The following HDAC4 variants were observed in gnomAD, a reference collection of about 807,000 sequenced individuals.
HDAC4 encodes the protein histone deacetylase A.
HDAC4 carries 16 observed loss-of-function variants against 135.1 expected under a neutral mutation model. The ratio of observed to expected loss-of-function variants is 0.12; its 90% CI spans 0.08 to 0.18. The LOEUF (loss-of-function observed/expected upper bound fraction) is 0.18, where lower values mean the gene tolerates loss of function less well. Among genes scored for constraint, HDAC4 ranks in the 10% least tolerant of loss-of-function variants. The pLI, the probability that HDAC4 is intolerant of heterozygous loss-of-function variation, is 1.00. For synonymous variants in HDAC4, 685 were observed against 653.4 expected (o/e 1.05, Z -0.74); for missense variants, 1,143 against 1,511.8 (o/e 0.76, Z 4.05).
At chr2:239,202,911 T>C (rs987759341) in intron 3 of HDAC4, among the ~76,000 whole-genome samples, 5 of 152,136 alleles carry the variant, frequency 3.3e-5, no homozygotes, top group African/African-American at 1.2e-4. Flanking sequence ...GCAAAGAGCA[T>C]TGACAAGAAA....
intron 3 of HDAC4, among the ~76,000 whole-genome samples, chr2:239,196,738 C>T (rs779114044): frequency 2.0e-5 from 3 of 152,180 alleles, no homozygotes; most frequent in Non-Finnish European, 4.4e-5. Context: ...ATGGTGGCCA[C>T]CTCCAGCTCT....
intron 11 of HDAC4, among the ~76,000 whole-genome samples, chr2:239,131,115 G>A (rs2040550695): frequency 6.6e-6 from 1 of 152,236 alleles, no homozygotes; most frequent in Non-Finnish European, 1.5e-5. Flanking sequence ...ACATGAACAG[G>A]GACATAGAAG....
intron 1 of HDAC4, among the ~76,000 whole-genome samples, chr2:239,377,424 C>T (rs949932391): frequency 7.9e-5 from 12 of 152,208 alleles, no homozygotes; most frequent in African/African-American, 2.7e-4. Flanking sequence ...GCACCTGTCA[C>T]GAGGGCTGCC....
At chr2:239,126,084 C>T (rs1440951490) in intron 12 of HDAC4, among the ~76,000 whole-genome samples, 2 of 152,230 alleles carry the variant, frequency 1.3e-5, no homozygotes, top group Non-Finnish European at 2.9e-5. Flanking sequence ...AAGTGTTGCC[C>T]AAGTAGACTA....
chr2:239,160,654 C>A (rs985868349), intron 6 of HDAC4, among the ~76,000 whole-genome samples: 2 of 152,262 alleles, frequency 1.3e-5, no homozygotes, highest in African/African-American at 4.8e-5. Context: ...CGTTCCTTGT[C>A]ACTGCGGAGT....
chr2:239,165,888 C>T (rs2152976793), intron 5 of HDAC4, among the ~76,000 whole-genome samples: 1 of 152,110 alleles, frequency 6.6e-6, no homozygotes, highest in South Asian at 2.1e-4. Flanking sequence ...GTTAATAAGC[C>T]ATCATTTTAA....
At position 239,228,472 on chromosome 2, in the gene HDAC4, G is replaced by A. The variant is rs189390329; in HGVS notation, c.94+8121C>T. Among the ~76,000 whole-genome samples, 93 of 152,318 alleles carry A rather than the reference G, an allele frequency of 6.1e-4. 1 individual carries two copies. The highest frequency in any genetic ancestry group is 6.0e-3 in the Admixed American group (92 of 15,300). Reference sequence around the variant, plus strand: ...GGCTGTGTACGCCACGTGAAAGGTGGTGTTCTTGGCCCCGCAGTGTTTCCA... The same window carrying A: ...GGCTGTGTACGCCACGTGAAAGGTGATGTTCTTGGCCCCGCAGTGTTTCCA... On this transcript the variant is annotated intron_variant, in intron 3 of 26. Transcript: ENST00000543185.
chr2:239,080,310 C>CCATA, intron 22 of HDAC4, among the ~76,000 whole-genome samples: 1 of 152,242 alleles, frequency 6.6e-6, no homozygotes, highest in East Asian at 1.9e-4. Context: ...GGCTTTGACA[C>CCATA]CATACTGACA....
chr2:239,170,801 G>C (rs1387747813), intron 5 of HDAC4, among the ~76,000 whole-genome samples: 1 of 152,188 alleles, frequency 6.6e-6, no homozygotes, highest in Non-Finnish European at 1.5e-5. Flanking sequence ...CGGGTAGCCT[G>C]TTCTCTAGAC....
chr2:239,297,547 C>T (rs1314481020), intron 2 of HDAC4, among the ~76,000 whole-genome samples: 1 of 152,208 alleles, frequency 6.6e-6, no homozygotes, highest in Non-Finnish European at 1.5e-5. Context: ...TGCTGTGCTG[C>T]GGTTTCCTTA....
intron 11 of HDAC4, among the ~76,000 whole-genome samples, chr2:239,133,977 A>C (rs759175443): frequency 1.3e-5 from 2 of 152,198 alleles, no homozygotes; most frequent in African/African-American, 4.8e-5. Flanking sequence ...ACAGAAACCC[A>C]AATCGCAAGA....
intron 25 of HDAC4, 88 bp from the exon 26 acceptor site, chr2:239,053,689 C>G: frequency 8.7e-7 from 1 of 1,142,884 alleles, no homozygotes; most frequent in Non-Finnish European, 1.3e-6. Flanking sequence ...GGACCCTGAG[C>G]CTCAAACCAG....
chr2:239,354,401 CA>C (rs1476115105), intron 1 of HDAC4, among the ~76,000 whole-genome samples: 1 of 152,086 alleles, frequency 6.6e-6, no homozygotes, highest in Non-Finnish European at 1.5e-5. Context: ...CCTGCCTCTT[CA>C]ATAGATCAGT....
At chr2:239,177,551 G>A (rs2043853764) in intron 4 of HDAC4, among the ~76,000 whole-genome samples, 1 of 152,218 alleles carries the variant, frequency 6.6e-6, no homozygotes. Context: ...CCTGTTGACT[G>A]TCTACAGGGA....
chr2:239,250,450 A>T (rs772800287), intron 2 of HDAC4, among the ~76,000 whole-genome samples: 1 of 152,210 alleles, frequency 6.6e-6, no homozygotes, highest in Non-Finnish European at 1.5e-5. Flanking sequence ...AGGGCCCCGC[A>T]CGGCCCAGCT....
At chr2:239,110,654 G>C (rs1189616264) in intron 14 of HDAC4, among the ~76,000 whole-genome samples, 1 of 152,236 alleles carries the variant, frequency 6.6e-6, no homozygotes, top group African/African-American at 2.4e-5. Context: ...CACGTGATGA[G>C]AATCATCTGA....
chr2:239,090,209 C>A, intron 17 of HDAC4, 93 bp from the exon 18 acceptor site: 1 of 890,676 alleles, frequency 1.1e-6, no homozygotes, highest in African/African-American at 1.6e-5. Context: ...TCCGTGGGCT[C>A]TGCTTCTGAA....
chr2:239,066,145 C>T (rs1037409373), intron 24 of HDAC4, among the ~76,000 whole-genome samples: 1 of 152,072 alleles, frequency 6.6e-6, no homozygotes, highest in African/African-American at 2.4e-5. Flanking sequence ...ACCCCGAGCC[C>T]GTGGAACATT....
chr2:239,068,743 A>C lies in HDAC4; in HGVS notation c.2751-136T>G. On this transcript the variant is annotated intron_variant, in intron 22 of 26. Coordinates refer to ENST00000543185, the MANE Select transcript of HDAC4 (RefSeq NM_001378414.1). The surrounding 1 kb of genome is among the most constrained non-coding windows in gnomAD (Gnocchi z 4.4). ...GCCACTGGCGGGCTGAGGGCTCCAC[A>C]CAGCAGGCTGGAATCTGGCGACCAC... 1 of 776,468 alleles carries C rather than the reference A, an allele frequency of 1.3e-6. No individual in the cohort carries two copies. Among genetic ancestry groups the C allele is most frequent in the Non-Finnish European group, 2.3e-6 (1 of 434,196 alleles). 48.1% of individuals were successfully genotyped at this position (776,468 alleles called of 1,614,324 possible).
Sources: gnomAD v4.1 joint callset for allele counts (sites outside exome capture counted in the v4.1 genomes callset) on GRCh38, gnomAD v4.1.1 for gene constraint, Gnocchi (gnomAD v3.1) non-coding constraint, MANE v1.5 for transcripts, NCBI Gene and HGNC (gene_info 2026-07-23, HGNC 2026-07-21) for gene names.